Variants in SPOCK1 observed in about 807,000 individuals in gnomAD.
SPOCK1 encodes testican-1.
In SPOCK1, 23 loss-of-function variants were observed where a neutral mutation model predicts 55.3. The observed-to-expected ratio is 0.42, with a 90% CI of 0.30 to 0.59. The LOEUF (loss-of-function observed/expected upper bound fraction) is 0.59. Ranked by LOEUF, SPOCK1 falls within the 20% of genes least tolerant of loss-of-function variation. The probability of loss-of-function intolerance (pLI) is 0.22; values close to 1 mark genes in which losing one functional copy is unlikely to be tolerated. For synonymous variants in SPOCK1, 226 were observed against 221.0 expected (o/e 1.02, Z -0.20); for missense variants, 499 against 552.5 (o/e 0.90, Z 0.97).
rs979682031 is a variant in SPOCK1 at position 137,097,630 on chromosome 5, T to A, written c.474+14805A>T. Among the ~76,000 whole-genome samples, 77 of 152,202 alleles carry A rather than the reference T, an allele frequency of 5.1e-4. 1 individual carries two copies. Among genetic ancestry groups the A allele is most frequent in the Admixed American group, 3.3e-3 (51 of 15,290 alleles). ...TGTGCAAAAACATTCCCCCTTGCAA[T>A]GCTGGGCAGGCTTTTATTCACTTCC... On this transcript the variant is annotated intron_variant, in intron 5 of 10. Coordinates refer to ENST00000394945, the MANE Select transcript of SPOCK1 (RefSeq NM_004598.4).
intron 3 of SPOCK1, among the ~76,000 whole-genome samples, chr5:137,241,547 G>A (rs1458949963): frequency 6.6e-6 from 1 of 152,138 alleles, no homozygotes; most frequent in Non-Finnish European, 1.5e-5. Flanking sequence ...CAACAGTGTT[G>A]GGAGGTGGAG....
chr5:137,014,623 G>A (rs975925886), intron 6 of SPOCK1, among the ~76,000 whole-genome samples: 1 of 152,024 alleles, frequency 6.6e-6, no homozygotes, highest in Non-Finnish European at 1.5e-5. Flanking sequence ...GACCCTCTTG[G>A]GTCTCTCAGA....
At chr5:137,419,282 A>G (rs1251680006) in intron 2 of SPOCK1, among the ~76,000 whole-genome samples, 2 of 152,244 alleles carry the variant, frequency 1.3e-5, no homozygotes, top group African/African-American at 4.8e-5. Context: ...TTGGAAATGC[A>G]GGCTCTTTTT....
intron 6 of SPOCK1, among the ~76,000 whole-genome samples, chr5:137,066,731 T>C (rs17170923): frequency 0.55 from 83,202 of 152,018 alleles, 24,657 homozygotes; most frequent in South Asian, 0.71. Context: ...TTATTTGTAA[T>C]CACAGTGTTT....
chr5:137,487,347 A>C (rs1196576484), intron 2 of SPOCK1, among the ~76,000 whole-genome samples: 2 of 151,696 alleles, frequency 1.3e-5, no homozygotes, highest in East Asian at 1.9e-4. Context: ...AAAAAAAAAA[A>C]AAAAAAACCT....
At chr5:137,449,907 A>G (rs1185625680) in intron 2 of SPOCK1, among the ~76,000 whole-genome samples, 7 of 142,918 alleles carry the variant, frequency 4.9e-5, no homozygotes, top group East Asian at 4.3e-4. Context: ...AAAAAAAAAA[A>G]AAAAAAAAAA....
At chr5:137,113,490 G>A (rs1445546295) in intron 4 of SPOCK1, among the ~76,000 whole-genome samples, 2 of 152,138 alleles carry the variant, frequency 1.3e-5, no homozygotes, top group Non-Finnish European at 2.9e-5. Context: ...TTAGTGCTTG[G>A]GCTCTGGAGT....
intron 3 of SPOCK1, among the ~76,000 whole-genome samples, chr5:137,242,399 C>A (rs975763318): frequency 6.6e-6 from 1 of 152,156 alleles, no homozygotes; most frequent in African/African-American, 2.4e-5. Flanking sequence ...CACTCTGGTG[C>A]CTGCCACCAT....
rs111391316 is a variant in SPOCK1, at chr5:136,979,348, C to G, written c.1113G>C (p.Gln371His). Residue 371 changes from glutamine to histidine, a missense_variant, in exon 10 of 11, where the codon CAG becomes CAC. Physicochemically the swap from Gln to His is conservative, Grantham distance 24. Around this residue, in one of 3 missense-constraint regions of SPOCK1, gnomAD observed 83 missense variants for 87.5 expected, o/e 0.95. Coordinates refer to ENST00000394945, the MANE Select transcript of SPOCK1 (RefSeq NM_004598.4). ...CTTACTCACCACAGCTCACAGCACC[C>G]TGTTTCCTGGAGCCAGCCAACTCAT... ...YGNELAGSRKQGAVSCEEEQE... is the reference protein window; with the variant it reads ...YGNELAGSRKHGAVSCEEEQE... The G allele has an allele frequency of 8.1e-6, 13 of 1,614,008 alleles. No individual in the cohort carries two copies. Among genetic ancestry groups the G allele is most frequent in the Non-Finnish European group, 1.1e-5 (13 of 1,179,998 alleles).
At chr5:137,010,942 G>A (rs972159889) in intron 6 of SPOCK1, among the ~76,000 whole-genome samples, 3 of 152,160 alleles carry the variant, frequency 2.0e-5, no homozygotes, top group African/African-American at 2.4e-5. Context: ...ATGCTAGAAC[G>A]ATTGTACACC....
At position 137,351,133 on chromosome 5, in the gene SPOCK1, G is replaced by A. The variant is rs1750670578; in HGVS notation, c.187-84078C>T. On this transcript the variant is annotated intron_variant, in intron 2 of 10. Transcript: ENST00000394945. ...AGCACTTGAGATAGCCCAACAGCCA[G>A]AAGAATCTGGACGAAGAAAAGAGCA... 2.0e-5 allele frequency among the ~76,000 whole-genome samples: 3 copies of A among 152,298 alleles called. No homozygotes were observed. The South Asian group carries it at 6.2e-4, about 32-fold the overall frequency.
At chr5:137,108,562 C>A (rs1753408903) in intron 5 of SPOCK1, among the ~76,000 whole-genome samples, 1 of 152,178 alleles carries the variant, frequency 6.6e-6, no homozygotes, top group Non-Finnish European at 1.5e-5. Context: ...GGGCGTAAAA[C>A]TCCCACTATC....
chr5:137,023,233 T>G (rs2126981126), intron 6 of SPOCK1, among the ~76,000 whole-genome samples: 1 of 152,340 alleles, frequency 6.6e-6, no homozygotes, highest in South Asian at 2.1e-4. Flanking sequence ...TTCTTAGAAC[T>G]TTGATATATA....
intron 3 of SPOCK1, among the ~76,000 whole-genome samples, chr5:137,237,712 T>C (rs1756206058): frequency 6.6e-6 from 1 of 152,220 alleles, no homozygotes; most frequent in Non-Finnish European, 1.5e-5. Context: ...AAGAAGAGGA[T>C]GCAGTCTCTA....
In SPOCK1 at chr5:137,257,484, C is replaced by T. The variant is rs567541903; in HGVS notation, c.232+9526G>A. 9.0e-4 allele frequency among the ~76,000 whole-genome samples: 137 copies of T among 152,280 alleles called. 1 individual carries two copies. The highest frequency in any genetic ancestry group is 3.2e-3 in the African/African-American group (132 of 41,562). On this transcript the variant is annotated intron_variant, in intron 3 of 10. Transcript: ENST00000394945. Reference sequence around the variant, plus strand: ...ACACAAGGAGATGGCCATCCACAACCTGGAAGAGGGCCCTCACCAGCACCC... The same window carrying T: ...ACACAAGGAGATGGCCATCCACAACTTGGAAGAGGGCCCTCACCAGCACCC...
chr5:137,395,641 G>A (rs915977343), intron 2 of SPOCK1, among the ~76,000 whole-genome samples: 2 of 152,178 alleles, frequency 1.3e-5, no homozygotes, highest in Non-Finnish European at 2.9e-5. Flanking sequence ...TGTGTGCCCT[G>A]GAATAAAGGA....
At chr5:137,154,773 G>A (rs1649840998) in intron 3 of SPOCK1, among the ~76,000 whole-genome samples, 1 of 152,306 alleles carries the variant, frequency 6.6e-6, no homozygotes, top group Non-Finnish European at 1.5e-5. Context: ...CCATTGCTCA[G>A]AGTGCCAAAG....
chr5:137,023,959 T>C (rs143478906), intron 6 of SPOCK1, among the ~76,000 whole-genome samples: 63 of 97,924 alleles, frequency 6.4e-4, no homozygotes, highest in African/African-American at 1.9e-3. Flanking sequence ...GTCAATATAG[T>C]ATTTTTTTTT....
At chr5:137,332,967 A>G (rs1207981984) in intron 2 of SPOCK1, among the ~76,000 whole-genome samples, 4 of 152,202 alleles carry the variant, frequency 2.6e-5, no homozygotes, top group Non-Finnish European at 5.9e-5. Context: ...AACTCTAAAA[A>G]GTGGCACAGA....
Sources: gnomAD v4.1 joint callset for allele counts (sites outside exome capture counted in the v4.1 genomes callset) on GRCh38, gnomAD v4.1.1 for gene constraint, gnomAD v4.1.1 regional missense constraint, MANE v1.5 for transcripts, NCBI Gene and HGNC (gene_info 2026-07-23, HGNC 2026-07-21) for gene names.